NDUFAF6: variants seen among roughly 807,000 people sequenced by gnomAD.
The protein encoded by NDUFAF6 is NADH:ubiquinone oxidoreductase complex assembly factor 6.
A neutral mutation model predicts 40.8 loss-of-function variants in NDUFAF6; 45 were observed. The observed-to-expected ratio is 1.10, with a 90% CI of 0.87 to 1.42. The LOEUF (loss-of-function observed/expected upper bound fraction) is 1.42. Ranked by LOEUF, NDUFAF6 falls within the 40% of genes most tolerant of loss-of-function variation. The pLI is 0.00. For missense variants in NDUFAF6, 435 were observed against 418.5 expected (o/e 1.04, Z -0.34); for synonymous variants, 185 against 155.9 (o/e 1.19, Z -1.39).
At chr8:95,111,153 A>G (rs2044035) in intron 4 of NDUFAF6, among the ~76,000 whole-genome samples, 74,196 of 151,880 alleles carry the variant, frequency 0.49, 19,856 homozygotes, top group East Asian at 0.98. Context: ...AACAAGTAGC[A>G]TTGAGATAGG....
chr8:94,959,334 C>A (rs1278714484), intron 1 of NDUFAF6, among the ~76,000 whole-genome samples: 1 of 152,154 alleles, frequency 6.6e-6, no homozygotes. Context: ...GTCCTGGCTA[C>A]CTACATACTA....
chr8:94,979,938 A>G (rs887607659), intron 1 of NDUFAF6, among the ~76,000 whole-genome samples: 1 of 152,144 alleles, frequency 6.6e-6, no homozygotes, highest in African/African-American at 2.4e-5. Context: ...TCTACTGAAA[A>G]TAAAAAAAAT....
At chr8:95,069,517 C>A (rs1185562251) in intron 9 of NDUFAF6, among the ~76,000 whole-genome samples, 1 of 151,406 alleles carries the variant, frequency 6.6e-6, no homozygotes, top group Admixed American at 6.6e-5. Flanking sequence ...TGGTGGCTCA[C>A]GCCTGTAATC....
chr8:95,068,662 T>G (rs546736806), intron 9 of NDUFAF6: 1 of 151,700 alleles, frequency 6.6e-6, no homozygotes, highest in African/African-American at 2.4e-5. Flanking sequence ...AATGAAGGAG[T>G]GAGAGGGCGC....
chr8:95,045,430 A>C (rs765853167), intron 4 of NDUFAF6, 115 bp from the exon 5 acceptor site: 7 of 727,742 alleles, frequency 9.6e-6, no homozygotes, highest in African/African-American at 1.8e-5. Flanking sequence ...TGTACTAAAT[A>C]ACATATACTG....
intron 4 of NDUFAF6, among the ~76,000 whole-genome samples, chr8:95,042,827 T>C (rs1830291266): frequency 1.3e-5 from 2 of 152,194 alleles, no homozygotes; most frequent in South Asian, 2.1e-4. Flanking sequence ...AGTCCAGATA[T>C]AAACCCATAT....
At chr8:94,941,007 T>C in intron 1 of NDUFAF6, 1 of 1,263,688 alleles carries the variant, frequency 7.9e-7, no homozygotes, top group Middle Eastern at 1.9e-4. Context: ...ACCTTGTCTT[T>C]AGTTGGCCCA....
intron 1 of NDUFAF6, among the ~76,000 whole-genome samples, chr8:94,942,588 A>G (rs1821648699): frequency 6.6e-6 from 1 of 152,204 alleles, no homozygotes; most frequent in Admixed American, 6.5e-5. Flanking sequence ...ATTATTCTAC[A>G]TGTATTTACT....
intron 2 of NDUFAF6, among the ~76,000 whole-genome samples, chr8:94,986,241 G>A (rs1310455336): frequency 6.6e-6 from 1 of 152,176 alleles, no homozygotes; most frequent in Non-Finnish European, 1.5e-5. Flanking sequence ...GGAAAAAATA[G>A]GGTCAAGGGC....
At chr8:94,916,122 A>C (rs541216467) in intron 1 of NDUFAF6, among the ~76,000 whole-genome samples, 1 of 152,334 alleles carries the variant, frequency 6.6e-6, no homozygotes, top group African/African-American at 2.4e-5. Context: ...AGGAGTTTTA[A>C]GGTTGTTGGG....
intron 2 of NDUFAF6, among the ~76,000 whole-genome samples, chr8:94,998,226 A>T (rs879704471): frequency 3.3e-5 from 5 of 152,222 alleles, no homozygotes; most frequent in Non-Finnish European, 7.4e-5. Flanking sequence ...AATATTTATT[A>T]ATTAATTTTA....
chr8:95,050,041 T>C (rs1335719512), intron 7 of NDUFAF6, among the ~76,000 whole-genome samples: 1 of 152,210 alleles, frequency 6.6e-6, no homozygotes, highest in Non-Finnish European at 1.5e-5. Context: ...GACAGAGGTA[T>C]AGATAAAATA....
intron 1 of NDUFAF6, among the ~76,000 whole-genome samples, chr8:94,930,998 G>T (rs571354778): frequency 6.6e-6 from 1 of 152,296 alleles, no homozygotes; most frequent in African/African-American, 2.4e-5. Flanking sequence ...TTTAAACTTT[G>T]AATTTCATTT....
At chr8:95,111,637 A>G (rs1810001256) in intron 4 of NDUFAF6, among the ~76,000 whole-genome samples, 1 of 152,112 alleles carries the variant, frequency 6.6e-6, no homozygotes, top group Non-Finnish European at 1.5e-5. Context: ...CTCCAGGCAC[A>G]CACACACCTG....
chr8:94,958,522 CTTTTTTTTTTTTT>C (rs55703438), intron 1 of NDUFAF6, among the ~76,000 whole-genome samples: 6 of 71,276 alleles, frequency 8.4e-5, no homozygotes, highest in South Asian at 5.5e-4. Flanking sequence ...TAGTCACATT[CTTTTTTTTTTTTT>C]TTTTTTTTTT....
Position 94,933,930 on chromosome 8 carries a change from G to A in NDUFAF6, c.-935-11553G>A, listed in dbSNP as rs960290969. On this transcript the variant is annotated intron_variant, in intron 1 of 14. Transcript: ENST00000396113. ...TACTAAAAATGCAAAAATTAGCTGG[G>A]CGTAGTGGCGGTGGCACATGCCTGT... Among the ~76,000 whole-genome samples the A allele has an allele frequency of 7.3e-5, 11 of 150,922 alleles. 1 individual carries two copies. Among genetic ancestry groups the A allele is most frequent in the Middle Eastern group, 3.4e-3 (1 of 290 alleles).
At chr8:94,965,436 A>T (rs112351499) in intron 1 of NDUFAF6, among the ~76,000 whole-genome samples, 102 of 152,296 alleles carry the variant, frequency 6.7e-4, no homozygotes, top group African/African-American at 2.4e-3. Context: ...TTTTATTCTG[A>T]AGGCCACACA....
intron 2 of NDUFAF6, among the ~76,000 whole-genome samples, chr8:95,018,436 T>C (rs1043546020): frequency 2.0e-5 from 3 of 150,734 alleles, no homozygotes; most frequent in East Asian, 1.9e-4. Flanking sequence ...ATTCATTCAT[T>C]CATCCATTAA....
intron 1 of NDUFAF6, among the ~76,000 whole-genome samples, chr8:94,961,130 G>A (rs762925631): frequency 2.3e-4 from 35 of 152,248 alleles, no homozygotes; most frequent in African/African-American, 7.2e-4. Context: ...TAAACCACTC[G>A]GTCCCAATTA....
Sources: allele counts gnomAD v4.1 joint callset (sites outside exome capture counted in the v4.1 genomes callset), GRCh38; gene constraint gnomAD v4.1.1; transcripts MANE v1.5; gene names NCBI Gene and HGNC (gene_info 2026-07-23, HGNC 2026-07-21).